The following CDH12 variants were observed in gnomAD, a reference collection of about 807,000 sequenced individuals.
CDH12 encodes the protein cadherin 12, also known as cadherin-12.
CDH12 carries 41 observed loss-of-function variants against 74.1 expected under a neutral mutation model. The ratio of observed to expected loss-of-function variants is 0.55; its 90% confidence interval spans 0.43 to 0.72. CDH12 has a LOEUF of 0.72. Ranked by LOEUF, CDH12 falls within the 30% of genes least tolerant of loss-of-function variation. The pLI is 0.00. For missense variants in CDH12, 945 were observed against 977.2 expected (o/e 0.97, Z 0.44); for synonymous variants, 399 against 355.0 (o/e 1.12, Z -1.39).
chr5:21,860,601 C>T (rs899956991), intron 6 of CDH12, among the ~76,000 whole-genome samples: 1 of 152,066 alleles, frequency 6.6e-6, no homozygotes, highest in Non-Finnish European at 1.5e-5. Context: ...ACAATCTAAT[C>T]AGCTGCCAGT....
At chr5:22,793,752 TG>T (rs1748042099) in intron 1 of CDH12, among the ~76,000 whole-genome samples, 1 of 148,834 alleles carries the variant, frequency 6.7e-6, no homozygotes, top group African/African-American at 2.5e-5. Context: ...ACTCTTTAAC[TG>T]TTTTTTTTTT....
At chr5:22,590,268 A>G (rs1011064456) in intron 1 of CDH12, among the ~76,000 whole-genome samples, 4 of 152,300 alleles carry the variant, frequency 2.6e-5, no homozygotes, top group African/African-American at 9.6e-5. Flanking sequence ...TCTAAAGATC[A>G]TGAGCCTCAA....
At chr5:22,142,311 A>G in intron 4 of CDH12, 1 of 306,720 alleles carries the variant, frequency 3.3e-6, no homozygotes, top group Non-Finnish European at 6.1e-6. Flanking sequence ...TATGAAGTAG[A>G]GGAAGGGGTA....
intron 6 of CDH12, among the ~76,000 whole-genome samples, chr5:21,934,692 C>T (rs1190399270): frequency 1.3e-5 from 2 of 152,186 alleles, no homozygotes; most frequent in Non-Finnish European, 2.9e-5. Context: ...ACTAGAAACT[C>T]TCTTTGATGG....
At chr5:22,499,661 G>T (rs1747254444) in intron 2 of CDH12, among the ~76,000 whole-genome samples, 1 of 152,134 alleles carries the variant, frequency 6.6e-6, no homozygotes, top group African/African-American at 2.4e-5. Context: ...CTGCTAAATG[G>T]AAAAGATGGT....
At chr5:21,902,430 T>G (rs1401099086) in intron 6 of CDH12, among the ~76,000 whole-genome samples, 6 of 151,794 alleles carry the variant, frequency 4.0e-5, no homozygotes, top group Non-Finnish European at 8.8e-5. Context: ...ATGCAGAGAG[T>G]TTTTGAGAAA....
In CDH12 at chr5:22,590,841, C is replaced by A. The variant is rs374761297; in HGVS notation, c.-522-85477G>T. Among the ~76,000 whole-genome samples, 27 of 152,254 alleles carry A rather than the reference C, an allele frequency of 1.8e-4. No homozygotes were observed. The East Asian group carries it at 3.9e-3, about 22-fold the overall frequency. On this transcript the variant is annotated intron_variant, in intron 1 of 14. Coordinates refer to ENST00000382254, the MANE Select transcript of CDH12 (RefSeq NM_004061.5). ...CTGTATGTTTCCTCCTATTTTCTTTCTCTGTTTCAACTAAGTCTCCCTTTT... is the reference window on the plus strand; with the variant it reads ...CTGTATGTTTCCTCCTATTTTCTTTATCTGTTTCAACTAAGTCTCCCTTTT...
chr5:21,833,307 GTTATATGTTATATAATATATATTATATA>G lies in CDH12; in HGVS notation c.814+8826_814+8853del, dbSNP rs1561225760. ...ATATAACATATAATATATATTATAT[GTTATATGTTATATAATATATATTATATA>G]TTATATAACATATAATATATATTAT... On this transcript the variant is annotated intron_variant, in intron 8 of 14. Coordinates refer to ENST00000382254, the MANE Select transcript of CDH12 (RefSeq NM_004061.5). 2.1e-3 allele frequency among the ~76,000 whole-genome samples: 56 copies of G among 26,454 alleles called. 7 individuals are homozygous for G. In the African/African-American group the frequency reaches 0.031, roughly 15 times the overall value. The allele number at this position is 26,454 out of a possible 152,430, so 17.4% of individuals were successfully genotyped here.
chr5:22,595,568 G>C (rs765277846), intron 1 of CDH12, among the ~76,000 whole-genome samples: 23 of 152,072 alleles, frequency 1.5e-4, no homozygotes, highest in Non-Finnish European at 2.2e-4. Flanking sequence ...GTAAATTTTT[G>C]CTAGAAAGTA....
At chr5:22,166,676 T>C (rs1442989933) in intron 4 of CDH12, among the ~76,000 whole-genome samples, 3 of 152,150 alleles carry the variant, frequency 2.0e-5, no homozygotes, top group Admixed American at 1.3e-4. Flanking sequence ...TTTTGACAGA[T>C]TAAAAACTAC....
intron 6 of CDH12, among the ~76,000 whole-genome samples, chr5:21,873,871 T>C (rs1007676397): frequency 0.018 from 1 of 56 alleles, no homozygotes; most frequent in Admixed American, 0.17. Flanking sequence ...AGTGAGAACA[T>C]GCGGTTACTT....
intron 4 of CDH12, among the ~76,000 whole-genome samples, chr5:22,085,707 C>A (rs116648701): frequency 0.017 from 2,644 of 152,114 alleles, 70 homozygotes; most frequent in African/African-American, 0.06. Flanking sequence ...TAAAAAAAAT[C>A]AATGGCAGCA....
chr5:22,111,934 T>C (rs1262934427), intron 4 of CDH12, among the ~76,000 whole-genome samples: 4 of 152,136 alleles, frequency 2.6e-5, no homozygotes, highest in African/African-American at 9.7e-5. Flanking sequence ...GAATTCATAG[T>C]AAAGTTAAAA....
In CDH12 at chr5:21,880,621, T is replaced by TTCTTTC. The variant is rs1561268490; in HGVS notation, c.527-25837_527-25832dup. Among the ~76,000 whole-genome samples, 18 of 48,564 alleles carry TTCTTTC rather than the reference T, an allele frequency of 3.7e-4. 1 individual carries two copies. The highest frequency in any genetic ancestry group is 1.3e-3 in the African/African-American group (17 of 13,514). 31.9% of individuals were successfully genotyped at this position (48,564 alleles called of 152,430 possible). On this transcript the variant is annotated intron_variant, in intron 6 of 14. Coordinates refer to ENST00000382254, the MANE Select transcript of CDH12 (RefSeq NM_004061.5). ...CTTCCTTCCTTCCTTCCTTCCTTCT[T>TTCTTTC]TCTTTCTTTCTTTCTTTCTTTCTTT...
intron 1 of CDH12, among the ~76,000 whole-genome samples, chr5:22,505,652 A>C (rs1251592632): frequency 6.6e-6 from 1 of 152,062 alleles, no homozygotes; most frequent in Admixed American, 6.6e-5. Flanking sequence ...TACATTATTG[A>C]GTTCACTAGT....
At chr5:21,857,944 TCAGA>T (rs1299443778) in intron 6 of CDH12, among the ~76,000 whole-genome samples, 2 of 151,408 alleles carry the variant, frequency 1.3e-5, no homozygotes, top group Non-Finnish European at 3.0e-5. Flanking sequence ...TCCTCTGTGC[TCAGA>T]CAGAGAGAGG....
chr5:22,119,285 GTT>G (rs397996987), intron 4 of CDH12, among the ~76,000 whole-genome samples: 3,879 of 99,020 alleles, frequency 0.039, 96 homozygotes, highest in African/African-American at 0.11. Flanking sequence ...CTTCTACTTC[GTT>G]TTTTTTTTTT....
intron 2 of CDH12, among the ~76,000 whole-genome samples, chr5:22,424,751 C>T (rs920754217): frequency 1.3e-5 from 2 of 151,962 alleles, no homozygotes; most frequent in African/African-American, 4.8e-5. Flanking sequence ...TAGTCTTACT[C>T]GTTTAATCTC....
At chr5:22,329,869 T>G (rs544263461) in intron 3 of CDH12, among the ~76,000 whole-genome samples, 96 of 152,324 alleles carry the variant, frequency 6.3e-4, no homozygotes, top group African/African-American at 1.9e-3. Flanking sequence ...TGGCAGGCCC[T>G]GCCACTGTGG....
Sources: gnomAD v4.1 joint callset for allele counts (sites outside exome capture counted in the v4.1 genomes callset) on GRCh38, gnomAD v4.1.1 for gene constraint, MANE v1.5 for transcripts, NCBI Gene and HGNC (gene_info 2026-07-23, HGNC 2026-07-21) for gene names.